ACMSD: variants seen among roughly 807,000 people sequenced by gnomAD.
The protein encoded by ACMSD is aminocarboxymuconate semialdehyde decarboxylase.
In ACMSD, 37 loss-of-function variants were observed where a neutral mutation model predicts 45.9. The observed-to-expected ratio is 0.81, with a 90% confidence interval of 0.62 to 1.06. The LOEUF (loss-of-function observed/expected upper bound fraction) is 1.06, where lower values mean the gene tolerates loss of function less well. ACMSD is among the 50% of genes least tolerant of loss of function. ACMSD has a pLI of 0.00. For missense variants in ACMSD, 434 were observed against 420.9 expected, an observed-to-expected ratio of 1.03 and a Z score of -0.27; for synonymous variants, 138 against 148.8, an observed-to-expected ratio of 0.93 and a Z score of 0.53.
At chr2:134,849,020 T>G (rs898474735) in intron 2 of ACMSD, among the ~76,000 whole-genome samples, 2 of 152,088 alleles carry the variant, frequency 1.3e-5, no homozygotes, top group African/African-American at 4.8e-5. Flanking sequence ...TGGCCTCAAG[T>G]CTCTCCGAGG....
intron 8 of ACMSD, among the ~76,000 whole-genome samples, chr2:134,878,224 G>T (rs552612305): frequency 6.6e-6 from 1 of 152,220 alleles, no homozygotes; most frequent in South Asian, 2.1e-4. Flanking sequence ...GAGCTTCAGA[G>T]GAGGTCACTA....
intron 8 of ACMSD, chr2:134,877,713 G>A (rs1241232344): frequency 6.6e-6 from 1 of 151,720 alleles, no homozygotes; most frequent in Non-Finnish European, 1.5e-5. Flanking sequence ...GGGGGGAAAA[G>A]AGAAAAAGAT....
intron 5 of ACMSD, among the ~76,000 whole-genome samples, chr2:134,864,473 C>A (rs1439412337): frequency 1.3e-5 from 2 of 152,176 alleles, no homozygotes; most frequent in East Asian, 1.9e-4. Context: ...TTTTAATGAA[C>A]CTGAAATTCT....
chr2:134,876,707 C>T lies in ACMSD; in HGVS notation c.849+4066C>T, dbSNP rs117814018. Among the ~76,000 whole-genome samples, 103 of 152,234 alleles carry T rather than the reference C, an allele frequency of 6.8e-4. 1 individual carries two copies. The East Asian group carries it at 0.019, about 27-fold the overall frequency. ...TCCAAAATAATGATAAAAAGGATAA[C>T]ATAGTAAATACATAAGCCAGTGACA... On this transcript the variant is annotated intron_variant, in intron 8 of 9. Coordinates refer to ENST00000356140, the MANE Select transcript of ACMSD (RefSeq NM_138326.3).
chr2:134,885,008 C>G (rs1165373392), intron 8 of ACMSD, among the ~76,000 whole-genome samples: 2 of 151,028 alleles, frequency 1.3e-5, no homozygotes, highest in Admixed American at 6.6e-5. Flanking sequence ...CCAGCCTGGC[C>G]AACATGGTGA....
chr2:134,868,447 TTTTC>T (rs1359523934), intron 6 of ACMSD, among the ~76,000 whole-genome samples: 1 of 126,326 alleles, frequency 7.9e-6, no homozygotes, highest in Non-Finnish European at 1.6e-5. Context: ...CTGGATATTT[TTTTC>T]TTTTTTTTTT....
intron 7 of ACMSD, 77 bp downstream of exon 7, chr2:134,871,137 A>G: frequency 7.6e-7 from 1 of 1,323,332 alleles, no homozygotes; most frequent in South Asian, 1.2e-5. Flanking sequence ...AAGAAAACAG[A>G]AATTTATTTT....
intron 8 of ACMSD, among the ~76,000 whole-genome samples, chr2:134,889,456 C>T (rs962543859): frequency 6.6e-5 from 10 of 152,040 alleles, no homozygotes; most frequent in African/African-American, 2.2e-4. Context: ...TAAGGAAGTA[C>T]GGTCAGCCCT....
intron 8 of ACMSD, among the ~76,000 whole-genome samples, chr2:134,889,345 A>G (rs185237816): frequency 8.1e-4 from 123 of 152,292 alleles, no homozygotes; most frequent in African/African-American, 2.9e-3. Context: ...CTTGGTTTCT[A>G]GTTACCATTT....
At chr2:134,872,791 G>T (rs560048890) in intron 8 of ACMSD, 150 bp downstream of exon 8, 5 of 871,794 alleles carry the variant, frequency 5.7e-6, no homozygotes, top group Admixed American at 4.8e-5. Context: ...GATTAGGTTT[G>T]CTCACACAGG....
chr2:134,890,444 A>C (rs571104432), intron 8 of ACMSD, among the ~76,000 whole-genome samples: 2 of 152,202 alleles, frequency 1.3e-5, no homozygotes, highest in Non-Finnish European at 2.9e-5. Flanking sequence ...TCAGAGACAT[A>C]ACAACTAAAT....
intron 3 of ACMSD, 65 bp downstream of exon 3, chr2:134,859,422 G>A (rs964994725): frequency 1.3e-5 from 19 of 1,494,242 alleles, no homozygotes; most frequent in Non-Finnish European, 1.7e-5. Flanking sequence ...CTTAAAGTTT[G>A]CTGACAACTT....
At chr2:134,873,536 A>T (rs960926661) in intron 8 of ACMSD, 1 of 152,148 alleles carries the variant, frequency 6.6e-6, no homozygotes, top group Admixed American at 6.5e-5. Flanking sequence ...TTGAGTTTAG[A>T]CTCTAAGGTT....
At chr2:134,852,233 C>T (rs1017337714) in intron 2 of ACMSD, among the ~76,000 whole-genome samples, 1 of 152,140 alleles carries the variant, frequency 6.6e-6, no homozygotes, top group East Asian at 1.9e-4. Flanking sequence ...AACGGGAATC[C>T]ATTCAAGAGT....
chr2:134,852,764 C>T (rs960642954), intron 2 of ACMSD, among the ~76,000 whole-genome samples: 2 of 152,082 alleles, frequency 1.3e-5, no homozygotes, highest in African/African-American at 2.4e-5. Context: ...CTCTGCACCT[C>T]GAGCCCAACC....
intron 2 of ACMSD, among the ~76,000 whole-genome samples, chr2:134,848,139 T>C (rs1687169581): frequency 6.6e-6 from 1 of 152,192 alleles, no homozygotes; most frequent in South Asian, 2.1e-4. Flanking sequence ...GCGTGAGCCA[T>C]TGCACCCAGC....
At position 134,863,505 on chromosome 2, in the gene ACMSD, G is replaced by A; in HGVS notation, c.360G>A (p.Gln120=). The part of the protein sequence containing the change: ...RFVGLGTLPM[Q]APELAVKEME... ...TGGGTCTGGGGACGTTGCCCATGCA[G>A]GCCCCTGAGCTGGCGGTCAAGGAGA... The change falls in exon 5 of 10, where the codon CAG becomes CAA. Residue 120 remains glutamine (Q), a synonymous_variant. Coordinates refer to ENST00000356140, the MANE Select transcript of ACMSD (RefSeq NM_138326.3). 6.2e-7 allele frequency: 1 copy of A among 1,614,242 alleles called. No homozygotes were observed.
chr2:134,850,607 G>T (rs965205339), intron 2 of ACMSD, among the ~76,000 whole-genome samples: 7 of 151,984 alleles, frequency 4.6e-5, no homozygotes, highest in Admixed American at 3.9e-4. Context: ...AGCCAAAACT[G>T]GCTGAAAGCC....
chr2:134,885,314 T>TA (rs1167732193), intron 8 of ACMSD, among the ~76,000 whole-genome samples: 1 of 103,520 alleles, frequency 9.7e-6, no homozygotes, highest in Non-Finnish European at 1.8e-5. Context: ...TAAATATATA[T>TA]ATATAAATAT....
Sources: allele counts gnomAD v4.1 joint callset (sites outside exome capture counted in the v4.1 genomes callset), GRCh38; gene constraint gnomAD v4.1.1; transcripts MANE v1.5; gene names NCBI Gene and HGNC (gene_info 2026-07-23, HGNC 2026-07-21).